Variants in SNTB2 observed in about 807,000 individuals in gnomAD.
SNTB2 encodes syntrophin beta 2.
A neutral mutation model predicts 46.2 loss-of-function variants in SNTB2; 34 were observed. That is an observed-to-expected ratio of 0.74 (90% confidence interval 0.56 to 0.98). The LOEUF is 0.98. SNTB2 is among the 50% of genes least tolerant of loss of function. The probability of loss-of-function intolerance (pLI) is 0.00; values close to 1 mark genes in which losing one functional copy is unlikely to be tolerated. For missense variants in SNTB2, 603 were observed against 731.4 expected (o/e 0.82, Z 2.02); for synonymous variants, 290 against 312.6 (o/e 0.93, Z 0.76).
intron 1 of SNTB2, among the ~76,000 whole-genome samples, chr16:69,227,894 G>T (rs1471909133): frequency 4.8e-5 from 6 of 125,858 alleles, no homozygotes; most frequent in Non-Finnish European, 6.3e-5. Flanking sequence ...GTCTCACTCT[G>T]TCACCCAGGC....
At chr16:69,243,555 C>A (rs1488677935) in intron 1 of SNTB2, among the ~76,000 whole-genome samples, 2 of 152,156 alleles carry the variant, frequency 1.3e-5, no homozygotes, top group Non-Finnish European at 2.9e-5. Flanking sequence ...CTATATTATT[C>A]AAGAATTCAT....
intron 2 of SNTB2, among the ~76,000 whole-genome samples, chr16:69,254,030 A>G (rs548937429): frequency 2.5e-4 from 38 of 152,284 alleles, no homozygotes; most frequent in Non-Finnish European, 4.4e-4. Context: ...CTGAACTTTT[A>G]GCATGTGCTT....
intron 1 of SNTB2, among the ~76,000 whole-genome samples, chr16:69,197,812 C>A (rs1321763031): frequency 6.6e-6 from 1 of 152,090 alleles, no homozygotes; most frequent in African/African-American, 2.4e-5. Flanking sequence ...GTTTTCATTG[C>A]AGTAAGGGAT....
chr16:69,247,478 C>G (rs1308218797), intron 2 of SNTB2, among the ~76,000 whole-genome samples: 1 of 152,116 alleles, frequency 6.6e-6, no homozygotes, highest in African/African-American at 2.4e-5. Context: ...AATGCACAGC[C>G]AGGTCCCTGA....
chr16:69,229,932 A>T (rs1296964057), intron 1 of SNTB2, among the ~76,000 whole-genome samples: 2 of 151,074 alleles, frequency 1.3e-5, no homozygotes, highest in Non-Finnish European at 2.9e-5. Context: ...GACTACAGGC[A>T]TGTGCTACCA....
intron 5 of SNTB2, among the ~76,000 whole-genome samples, chr16:69,284,845 A>G (rs1965086728): frequency 6.6e-6 from 1 of 151,908 alleles, no homozygotes; most frequent in African/African-American, 2.4e-5. Flanking sequence ...TACTCGGGAG[A>G]CTGAGTGAGT....
chr16:69,208,070 T>C (rs1045457179), intron 1 of SNTB2, among the ~76,000 whole-genome samples: 2 of 144,964 alleles, frequency 1.4e-5, no homozygotes, highest in African/African-American at 2.6e-5. Context: ...GATAGCACCA[T>C]TGCACTCCAG....
At chr16:69,242,734 A>G (rs1425231917) in intron 1 of SNTB2, among the ~76,000 whole-genome samples, 1 of 152,080 alleles carries the variant, frequency 6.6e-6, no homozygotes, top group Non-Finnish European at 1.5e-5. Context: ...TAAAAGGGAT[A>G]CGTGAGGCCG....
intron 1 of SNTB2, among the ~76,000 whole-genome samples, chr16:69,226,307 G>A (rs142411885): frequency 6.6e-6 from 1 of 151,918 alleles, no homozygotes; most frequent in East Asian, 1.9e-4. Context: ...CTGACCTTAG[G>A]TGATCTGTCT....
chr16:69,272,039 ATCT>A (rs1964942296), intron 4 of SNTB2, among the ~76,000 whole-genome samples: 1 of 152,176 alleles, frequency 6.6e-6, no homozygotes, highest in African/African-American at 2.4e-5. Flanking sequence ...AATATAGTAG[ATCT>A]TCATGACTTT....
chr16:69,300,781 T>C, intron 6 of SNTB2, 51 bp from the exon 7 acceptor site: 2 of 1,151,148 alleles, frequency 1.7e-6, no homozygotes, highest in Non-Finnish European at 2.6e-6. Context: ...GTTTATTAAG[T>C]TGTCTGTATA....
intron 3 of SNTB2, among the ~76,000 whole-genome samples, chr16:69,260,791 G>A (rs1964827219): frequency 6.6e-6 from 1 of 152,170 alleles, no homozygotes; most frequent in South Asian, 2.1e-4. Flanking sequence ...AGGGGCAGCA[G>A]GCTATAGTTG....
At chr16:69,196,376 CTTTTT>C (rs533787609) in intron 1 of SNTB2, among the ~76,000 whole-genome samples, 1 of 134,640 alleles carries the variant, frequency 7.4e-6, no homozygotes, top group Admixed American at 7.5e-5. Flanking sequence ...TTTTCTTTTT[CTTTTT>C]TTTTTTTTTT....
At position 69,220,154 on chromosome 16, in the gene SNTB2, A is replaced by ATT. The variant is rs889068336; in HGVS notation, c.581-25423_581-25422dup. ...GTATGTTCCAATGCAAGAAAGTCAG[A>ATT]TTTTTTTTTTTTTTTTTTTTTTTTT... On this transcript the variant is annotated intron_variant, in intron 1 of 6. Coordinates refer to ENST00000336278, the MANE Select transcript of SNTB2 (RefSeq NM_006750.4). 1.8e-3 allele frequency among the ~76,000 whole-genome samples: 177 copies of ATT among 97,578 alleles called. 8 individuals are homozygous for ATT. Among genetic ancestry groups the ATT allele is most frequent in the African/African-American group, 3.1e-3 (67 of 21,854 alleles). The allele number at this position is 97,578 out of a possible 152,430, so 64.0% of individuals were successfully genotyped here. A position where few individuals can be genotyped will look rare whatever the true frequency, so the allele number is the denominator to read the frequency against.
chr16:69,241,437 A>G (rs955383613), intron 1 of SNTB2, among the ~76,000 whole-genome samples: 3 of 149,878 alleles, frequency 2.0e-5, no homozygotes, highest in Non-Finnish European at 4.4e-5. Flanking sequence ...CGGCCTCCCA[A>G]AGTGCTGGGA....
chr16:69,266,015 C>T (rs1964880464), intron 3 of SNTB2, among the ~76,000 whole-genome samples: 1 of 152,000 alleles, frequency 6.6e-6, no homozygotes, highest in South Asian at 2.1e-4. Flanking sequence ...CCAAAAAACA[C>T]ATACTATATA....
In SNTB2 at chr16:69,303,776, A is replaced by G. The variant is rs576668432; in HGVS notation, c.*2852A>G. The G allele has an allele frequency of 6.5e-6, 1 of 152,792 alleles. No homozygotes were observed. Among genetic ancestry groups the G allele is most frequent in the South Asian group, 2.1e-4 (1 of 4,832 alleles). 9.5% of individuals were successfully genotyped at this position (152,792 alleles called of 1,614,324 possible). ...GGGACACCATGATAAATATGTATTT[A>G]TATTTAGATGCCAAAGTATGGCAAA... is the stretch of plus-strand genomic sequence containing the variant. On this transcript the variant is annotated 3_prime_UTR_variant, in exon 7 of 7. Coordinates refer to ENST00000336278, the MANE Select transcript of SNTB2 (RefSeq NM_006750.4).
At chr16:69,262,429 A>G (rs945492543) in intron 3 of SNTB2, among the ~76,000 whole-genome samples, 1 of 149,294 alleles carries the variant, frequency 6.7e-6, no homozygotes, top group African/African-American at 2.5e-5. Flanking sequence ...TATGTGACTG[A>G]TTTTACCGTT....
chr16:69,297,627 A>AT (rs71148987), intron 5 of SNTB2, among the ~76,000 whole-genome samples: 1 of 148,578 alleles, frequency 6.7e-6, no homozygotes, highest in Non-Finnish European at 1.5e-5. Flanking sequence ...AAAAAAAAAA[A>AT]GAAGCCATGT....
Sources: allele counts gnomAD v4.1 joint callset (sites outside exome capture counted in the v4.1 genomes callset), GRCh38; gene constraint gnomAD v4.1.1; transcripts MANE v1.5; gene names NCBI Gene and HGNC (gene_info 2026-07-23, HGNC 2026-07-21).